Variants in GPBP1L1 observed in about 807,000 individuals in gnomAD.
The protein encoded by GPBP1L1 is GC-rich promoter binding protein 1 like 1, also known as vasculin-like protein 1.
GPBP1L1 carries 23 observed loss-of-function variants against 52.5 expected under a neutral mutation model. That is an observed-to-expected ratio of 0.44 (90% CI 0.32 to 0.62). GPBP1L1 has a LOEUF of 0.62. GPBP1L1 is among the 20% of genes least tolerant of loss of function. The probability of loss-of-function intolerance (pLI) is 0.06; values close to 1 mark genes in which losing one functional copy is unlikely to be tolerated. For synonymous variants in GPBP1L1, 243 were observed against 203.1 expected (o/e 1.20, Z -1.67); for missense variants, 596 against 579.3 (o/e 1.03, Z -0.30).
At chr1:45,644,052 C>G (rs1241101961) in intron 6 of GPBP1L1, among the ~76,000 whole-genome samples, 1 of 152,170 alleles carries the variant, frequency 6.6e-6, no homozygotes, top group Non-Finnish European at 1.5e-5. Context: ...GCTTCAGAAT[C>G]AGAATCTCCA....
rs778113669 is a variant in GPBP1L1, at chr1:45,647,166, A to AT, written c.478-4668dup. The stretch of plus-strand genomic sequence containing the variant: ...TTTTTTTTTAAACCAACTTCTTAGG[A>AT]TTTTTTTTTTTTTTTTTCTGAGACC... On this transcript the variant is annotated intron_variant, in intron 6 of 12. Transcript: ENST00000355105. 4.8e-3 allele frequency among the ~76,000 whole-genome samples: 542 copies of AT among 112,624 alleles called. 5 individuals are homozygous for AT. The highest frequency in any genetic ancestry group is 0.013 in the African/African-American group (394 of 29,562). The allele number at this position is 112,624 out of a possible 152,430, so 73.9% of individuals were successfully genotyped here.
At chr1:45,639,647 C>T (rs982888184) in intron 8 of GPBP1L1, among the ~76,000 whole-genome samples, 8 of 150,544 alleles carry the variant, frequency 5.3e-5, no homozygotes, top group East Asian at 2.0e-4. Context: ...GAGGCCGAGG[C>T]GGGCGGATCA....
At chr1:45,660,143 T>C (rs1003268281) in intron 3 of GPBP1L1, 41 bp downstream of exon 3, 7 of 969,096 alleles carry the variant, frequency 7.2e-6, no homozygotes, top group Admixed American at 6.1e-5. Flanking sequence ...TGCATATACA[T>C]AGAGTCTTCT....
chr1:45,678,636 C>CTT (rs1411612924), intron 2 of GPBP1L1, among the ~76,000 whole-genome samples: 1 of 152,010 alleles, frequency 6.6e-6, no homozygotes, highest in Non-Finnish European at 1.5e-5. Flanking sequence ...CATACCAAAC[C>CTT]ACTCCAGGTT....
chr1:45,669,937 T>A (rs986764018), intron 2 of GPBP1L1, among the ~76,000 whole-genome samples: 1 of 152,244 alleles, frequency 6.6e-6, no homozygotes, highest in Non-Finnish European at 1.5e-5. Context: ...CAATCTATCT[T>A]TATCTGTCTC....
rs974991334 is a variant in GPBP1L1, at chr1:45,660,644, T to C, written c.-516A>G. The C allele has an allele frequency of 1.9e-5, 14 of 738,418 alleles. No individual in the cohort carries two copies. The highest frequency in any genetic ancestry group is 2.6e-4 in the East Asian group (2 of 7,686). 45.7% of individuals were successfully genotyped at this position (738,418 alleles called of 1,614,324 possible). ...TGGACAAATAATGTCATCAAGGTAATAGATCAAAAATATTAAAGCCCTATA... is the reference window on the plus strand; with the variant it reads ...TGGACAAATAATGTCATCAAGGTAACAGATCAAAAATATTAAAGCCCTATA... On this transcript the variant is annotated 5_prime_UTR_variant, in exon 3 of 13. Coordinates refer to ENST00000355105, the MANE Select transcript of GPBP1L1 (RefSeq NM_021639.5).
At chr1:45,638,571 TCCATCCTCTTCTCTTGTATATCTAATCTA>T (rs1188571708) in intron 8 of GPBP1L1, among the ~76,000 whole-genome samples, 3 of 152,238 alleles carry the variant, frequency 2.0e-5, no homozygotes, top group African/African-American at 7.2e-5. Context: ...CTTCTCTTCT[TCCATCCTCTTCTCTTGTATATCTAATCTA>T]CCTTGAAAAC....
intron 6 of GPBP1L1, among the ~76,000 whole-genome samples, chr1:45,653,038 T>G (rs1644837976): frequency 6.6e-6 from 1 of 152,232 alleles, no homozygotes; most frequent in Non-Finnish European, 1.5e-5. Flanking sequence ...GTAAGGGCAG[T>G]ATAGACCTTC....
At chr1:45,667,954 G>A (rs1429922042) in intron 2 of GPBP1L1, among the ~76,000 whole-genome samples, 1 of 152,126 alleles carries the variant, frequency 6.6e-6, no homozygotes, top group African/African-American at 2.4e-5. Context: ...GGCCAGGCTG[G>A]TCTCCAACTC....
At chr1:45,647,034 G>T (rs184042334) in intron 6 of GPBP1L1, among the ~76,000 whole-genome samples, 15 of 150,944 alleles carry the variant, frequency 9.9e-5, no homozygotes, top group Admixed American at 8.5e-4. Flanking sequence ...TCTAATTCTT[G>T]AAAAATATTA....
At chr1:45,649,794 C>G (rs1569812483) in intron 6 of GPBP1L1, among the ~76,000 whole-genome samples, 2 of 152,150 alleles carry the variant, frequency 1.3e-5, no homozygotes, top group East Asian at 3.8e-4. Context: ...CTTCCATCAA[C>G]CAGAAAGTTC....
chr1:45,684,607 C>T (rs2148529721), intron 2 of GPBP1L1, among the ~76,000 whole-genome samples: 1 of 152,114 alleles, frequency 6.6e-6, no homozygotes, highest in East Asian at 1.9e-4. Context: ...CACCACAAAT[C>T]AAGAGCTCTG....
chr1:45,677,377 T>C (rs1036033128), intron 2 of GPBP1L1, among the ~76,000 whole-genome samples: 1 of 147,428 alleles, frequency 6.8e-6, no homozygotes, highest in African/African-American at 2.5e-5. Context: ...TAGCCAGGCA[T>C]AGTGGTGTTG....
At chr1:45,678,620 T>C (rs1039248352) in intron 2 of GPBP1L1, among the ~76,000 whole-genome samples, 4 of 152,178 alleles carry the variant, frequency 2.6e-5, no homozygotes, top group African/African-American at 9.7e-5. Context: ...ACCATAAGGA[T>C]GCAATCATAC....
chr1:45,655,828 G>C (rs1367691300), intron 4 of GPBP1L1: 1 of 153,730 alleles, frequency 6.5e-6, no homozygotes, highest in Admixed American at 6.5e-5. Flanking sequence ...GGAGTGCAGT[G>C]GCACAATCAA....
At chr1:45,655,163 T>C (rs756095827) in intron 5 of GPBP1L1, 27 bp downstream of exon 5, 19 of 1,613,818 alleles carry the variant, frequency 1.2e-5, no homozygotes, top group South Asian at 6.6e-5. Context: ...AGCTTAAATA[T>C]AGTCATGAAA....
intron 10 of GPBP1L1, among the ~76,000 whole-genome samples, chr1:45,631,057 C>T (rs1644524836): frequency 6.8e-6 from 1 of 147,602 alleles, no homozygotes; most frequent in Non-Finnish European, 1.5e-5. Flanking sequence ...GTCTTTTCAA[C>T]AAATGGTGAG....
intron 7 of GPBP1L1, among the ~76,000 whole-genome samples, chr1:45,641,421 CA>C (rs1303750446): frequency 1.3e-5 from 2 of 150,926 alleles, no homozygotes; most frequent in African/African-American, 4.9e-5. Flanking sequence ...CAAAACAAAA[CA>C]AAAAACCACA....
In GPBP1L1 at chr1:45,627,869, C is replaced by T. The variant is rs1644475962; in HGVS notation, c.*387G>A. The T allele has an allele frequency of 6.2e-6, 1 of 160,628 alleles. No homozygotes were observed. The highest frequency in any genetic ancestry group is 2.0e-4 in the South Asian group (1 of 5,024). 10.0% of individuals were successfully genotyped at this position (160,628 alleles called of 1,614,324 possible). A position where few individuals can be genotyped will look rare whatever the true frequency, so the allele number is the denominator to read the frequency against. Reference sequence around the variant, plus strand: ...ATTATAACTTCAATAGTCACTTTGTCATTGACAATGATTGCTTGATCACAG... The same window carrying T: ...ATTATAACTTCAATAGTCACTTTGTTATTGACAATGATTGCTTGATCACAG... On this transcript the variant is annotated 3_prime_UTR_variant, in exon 13 of 13. Transcript: ENST00000355105.
Sources: gnomAD v4.1 joint callset for allele counts (sites outside exome capture counted in the v4.1 genomes callset) on GRCh38, gnomAD v4.1.1 for gene constraint, MANE v1.5 for transcripts, NCBI Gene and HGNC (gene_info 2026-07-23, HGNC 2026-07-21) for gene names.